Variants in C8orf33 observed in about 807,000 individuals in gnomAD.
C8orf33 encodes UPF0488 protein C8orf33.
In C8orf33, 28 loss-of-function variants were observed where a neutral mutation model predicts 25.7. The ratio of observed to expected loss-of-function variants is 1.09; its 90% CI spans 0.81 to 1.49. The LOEUF is 1.49. Among genes scored for constraint, C8orf33 ranks in the 40% most tolerant of loss-of-function variants. The probability of loss-of-function intolerance (pLI) is 0.00; values close to 1 mark genes in which losing one functional copy is unlikely to be tolerated. For synonymous variants in C8orf33, 153 were observed against 115.9 expected (o/e 1.32, Z -2.06); for missense variants, 369 against 294.4 (o/e 1.25, Z -1.85).
In C8orf33 at chr8:145,055,230, C is replaced by T. The variant is rs1204557908; in HGVS notation, c.*1073C>T. ...AAGAAGAGTTATACTAGATCTAGATCATAGACATGATTATATGTGAGTATC... is the reference window on the plus strand; with the variant it reads ...AAGAAGAGTTATACTAGATCTAGATTATAGACATGATTATATGTGAGTATC... On this transcript the variant is annotated 3_prime_UTR_variant, in exon 5 of 5. Transcript: ENST00000331434. The T allele has an allele frequency of 6.6e-6, 1 of 152,046 alleles. No homozygotes were observed. Among genetic ancestry groups the T allele is most frequent in the African/African-American group, 2.4e-5 (1 of 41,366 alleles). 9.4% of individuals were successfully genotyped at this position (152,046 alleles called of 1,614,324 possible). A position where few individuals can be genotyped will look rare whatever the true frequency, so the allele number is the denominator to read the frequency against.
Position 145,052,778 on chromosome 8 carries a change from G to T in C8orf33, c.199G>T (p.Ala67Ser). ...CCCGTTGGGCGATGAAGGCGGCACA[G>T]CGTCGAAAAAACAAAAGAATAAGAA... ...AHPLGDEGGT[A>S]SKKQKNKKKT... The change falls in exon 2 of 5, where the codon GCG (alanine) becomes TCG (serine). Residue 67 changes from alanine (A) to serine (S), a missense_variant. By Grantham distance (99) the Ala-to-Ser change is moderately conservative. Coordinates refer to ENST00000331434, the MANE Select transcript of C8orf33 (RefSeq NM_023080.3). The T allele has an allele frequency of 6.2e-7, 1 of 1,614,196 alleles. No homozygotes were observed. The highest frequency in any genetic ancestry group is 8.5e-7 in the Non-Finnish European group (1 of 1,180,044).
At chr8:145,053,733 C>T in intron 4 of C8orf33, 1 of 577,674 alleles carries the variant, frequency 1.7e-6, no homozygotes, top group Non-Finnish European at 3.0e-6. Flanking sequence ...TCTTGGCTTT[C>T]TCTACTAGCA....
At position 145,052,682 on chromosome 8, in the gene C8orf33, G is replaced by C; in HGVS notation, c.103G>C (p.Ala35Pro). ...GARLPGPVSS[A>P]RNPSTVCLCP... is the part of the protein sequence containing the mutation. ...CCGGCTTCCCGGCCCAGTTTCCAGCGCCCGGAATCCTTCCACTGTCTGTCT... is the reference window on the plus strand; with the variant it reads ...CCGGCTTCCCGGCCCAGTTTCCAGCCCCCGGAATCCTTCCACTGTCTGTCT... The change falls in exon 2 of 5, where the codon GCC becomes CCC. Residue 35 changes from alanine (A) to proline (P), a missense_variant. Physicochemically the swap from Ala to Pro is conservative, Grantham distance 27. Transcript: ENST00000331434. 3 of 1,613,840 alleles carry C rather than the reference G, an allele frequency of 1.9e-6. No homozygotes were observed. The highest frequency in any genetic ancestry group is 2.5e-6 in the Non-Finnish European group (3 of 1,180,026).
chr8:145,054,342 T>G lies in C8orf33; in HGVS notation c.*185T>G, dbSNP rs373546946. The G allele has an allele frequency of 1.1e-3, 609 of 549,260 alleles. 1 individual carries two copies. Among genetic ancestry groups the G allele is most frequent in the Non-Finnish European group, 1.6e-3 (501 of 317,920 alleles). 34.0% of individuals were successfully genotyped at this position (549,260 alleles called of 1,614,324 possible). On this transcript the variant is annotated 3_prime_UTR_variant, in exon 5 of 5. Transcript: ENST00000331434. ...TCAGATAGGCAAAAGACCCCGTTCG[T>G]TTTCTGATGAAATGTTCTCTCTTTC...
In C8orf33 at chr8:145,053,438, G is replaced by C; in HGVS notation, c.545G>C (p.Arg182Thr). 6.8e-6 allele frequency: 11 copies of C among 1,614,154 alleles called. No individual in the cohort carries two copies. Among genetic ancestry groups the C allele is most frequent in the Non-Finnish European group, 9.3e-6 (11 of 1,180,030 alleles). ...TGGCGTGAGGCCCTGCGGGCTCTCA[G>C]AGCTGGTGAGGAGCTAGCCACTGGT... The part of the protein sequence containing the change: ...AEWREALRAL[R>T]AAAYSAQVQP... The change falls in exon 4 of 5, where the codon AGA (arginine) becomes ACA (threonine). Residue 182 changes from arginine (R) to threonine (T), a missense_variant. Coordinates refer to ENST00000331434, the MANE Select transcript of C8orf33 (RefSeq NM_023080.3).
At chr8:145,053,631 A>T in intron 4 of C8orf33, 188 bp downstream of exon 4, 1 of 641,042 alleles carries the variant, frequency 1.6e-6, no homozygotes, top group Non-Finnish European at 2.6e-6. Flanking sequence ...GAACCTGGGA[A>T]GCAGCGGGGA....
chr8:145,053,430 G>T lies in C8orf33; in HGVS notation c.537G>T (p.Arg179=). 1 of 1,614,196 alleles carries T rather than the reference G, an allele frequency of 6.2e-7. No homozygotes were observed. Among genetic ancestry groups the T allele is most frequent in the Non-Finnish European group, 8.5e-7 (1 of 1,180,040 alleles). ...QMEAEWREAL[R]ALRAAAYSAQ... ...AAGCCGAATGGCGTGAGGCCCTGCG[G>T]GCTCTCAGAGCTGGTGAGGAGCTAG... is the stretch of plus-strand genomic sequence containing the variant. The change falls in exon 4 of 5, where the codon CGG becomes CGT. Residue 179 remains arginine (R), a synonymous_variant. Transcript: ENST00000331434.
chr8:145,052,867 A>G lies in C8orf33; in HGVS notation c.288A>G (p.Pro96=), dbSNP rs770349082. The G allele has an allele frequency of 1.8e-5, 29 of 1,610,034 alleles. No individual in the cohort carries two copies. Among genetic ancestry groups the G allele is most frequent in the South Asian group, 2.2e-5 (2 of 90,524 alleles). Reference sequence around the variant, plus strand: ...AGAAGGCCTCAGAGAAACTCGCCCCAGAAGAAGTTCCCCTAAGCGCTGAGG... The same window carrying G: ...AGAAGGCCTCAGAGAAACTCGCCCCGGAAGAAGTTCCCCTAAGCGCTGAGG... The part of the protein sequence containing the change: ...GGEKASEKLA[P]EEVPLSAEAQ... The change falls in exon 2 of 5, where the codon CCA becomes CCG. Residue 96 remains proline, a synonymous_variant. Transcript: ENST00000331434.
At position 145,054,307 on chromosome 8, in the gene C8orf33, T is replaced by C. The variant is rs1835324490; in HGVS notation, c.*150T>C. The C allele has an allele frequency of 1.2e-6, 1 of 816,074 alleles. No homozygotes were observed. The highest frequency in any genetic ancestry group is 1.9e-6 in the Non-Finnish European group (1 of 531,034). The allele number at this position is 816,074 out of a possible 1,614,324, so 50.6% of individuals were successfully genotyped here. A position where few individuals can be genotyped will look rare whatever the true frequency, so the allele number is the denominator to read the frequency against. On this transcript the variant is annotated 3_prime_UTR_variant, in exon 5 of 5. Transcript: ENST00000331434. Reference sequence around the variant, plus strand: ...CAAGGATTTGTAGCTGTTGTGAAGGTGTGAGACCATCAGATAGGCAAAAGA... The same window carrying C: ...CAAGGATTTGTAGCTGTTGTGAAGGCGTGAGACCATCAGATAGGCAAAAGA...
Position 145,053,165 on chromosome 8 carries a change from G to A in C8orf33, c.403+19G>A. On this transcript the variant is annotated intron_variant, in intron 3 of 4. Coordinates refer to ENST00000331434, the MANE Select transcript of C8orf33 (RefSeq NM_023080.3). Reference sequence around the variant, plus strand: ...AAACAGAGTAAGGGACCCTTCTGTAGAGCTGGGGGATGTGAACAGTGGCAC... The same window carrying A: ...AAACAGAGTAAGGGACCCTTCTGTAAAGCTGGGGGATGTGAACAGTGGCAC... 1 of 1,614,172 alleles carries A rather than the reference G, an allele frequency of 6.2e-7. No individual in the cohort carries two copies. The highest frequency in any genetic ancestry group is 1.1e-5 in the South Asian group (1 of 91,086).
chr8:145,053,022 C>T (rs1269437192), intron 2 of C8orf33, 40 bp from the exon 3 acceptor site: 1 of 1,613,194 alleles, frequency 6.2e-7, no homozygotes, highest in East Asian at 2.2e-5. Context: ...CTATGGTTTT[C>T]CAGTGCCCTC....
At chr8:145,053,490 G>A (rs538589878) in intron 4 of C8orf33, 47 bp downstream of exon 4, 30 of 1,601,852 alleles carry the variant, frequency 1.9e-5, no homozygotes, top group South Asian at 3.3e-5. Context: ...AACTTAAGGA[G>A]GAAGTGTCTA....
chr8:145,053,245 G>A (rs1171943168), intron 3 of C8orf33, 52 bp from the exon 4 acceptor site: 4 of 1,612,756 alleles, frequency 2.5e-6, no homozygotes, highest in African/African-American at 2.7e-5. Flanking sequence ...GCGGCGGGGT[G>A]GTAGGAGGTC....
At chr8:145,052,959 G>A (rs1835300219) in intron 2 of C8orf33, 62 bp downstream of exon 2, 1 of 1,601,400 alleles carries the variant, frequency 6.2e-7, no homozygotes, top group African/African-American at 1.3e-5. Flanking sequence ...GGGCACGTGT[G>A]ATCTGGGGTC....
chr8:145,053,497 T>C, intron 4 of C8orf33, 54 bp downstream of exon 4: 1 of 1,585,246 alleles, frequency 6.3e-7, no homozygotes, highest in Non-Finnish European at 8.6e-7. Flanking sequence ...GGAGGAAGTG[T>C]CTAGGGGGTG....
At chr8:145,053,035 A>G (rs1587002607) in intron 2 of C8orf33, 27 bp from the exon 3 acceptor site, 3 of 1,613,974 alleles carry the variant, frequency 1.9e-6, no homozygotes, top group Non-Finnish European at 2.5e-6. Context: ...GTGCCCTCTC[A>G]CAGCCACTTC....
rs1835303498 is a variant in C8orf33, at chr8:145,053,138, C to G, written c.395C>G (p.Pro132Arg). The G allele has an allele frequency of 2.5e-6, 4 of 1,614,050 alleles. No individual in the cohort carries two copies. Reference sequence around the variant, plus strand: ...GGCCTCAAGAGGCAGAAACCCACCCCGAAACAGAGTAAGGGACCCTTCTGT... The same window carrying G: ...GGCCTCAAGAGGCAGAAACCCACCCGGAAACAGAGTAAGGGACCCTTCTGT... The part of the protein sequence containing the change: ...ELGLKRQKPT[P>R]KQKEQAIGAI... The change falls in exon 3 of 5, where the codon CCG becomes CGG. Residue 132 changes from proline (P) to arginine (R), a missense_variant. Coordinates refer to ENST00000331434, the MANE Select transcript of C8orf33 (RefSeq NM_023080.3).
rs1563954714 is a variant in C8orf33 at position 145,053,484 on chromosome 8, T to G, written c.550+41T>G. On this transcript the variant is annotated intron_variant, in intron 4 of 4. Coordinates refer to ENST00000331434, the MANE Select transcript of C8orf33 (RefSeq NM_023080.3). ...CTGGTTGATTCAGGAAGGCCTAACT[T>G]AAGGAGGAAGTGTCTAGGGGGTGAA... The G allele has an allele frequency of 3.1e-6, 5 of 1,605,764 alleles. No individual in the cohort carries two copies. The African/African-American group carries it at 5.4e-5, about 17-fold the overall frequency.
In C8orf33 at chr8:145,052,655, G is replaced by GCCCGGCTT. The variant is rs1563953977; in HGVS notation, c.83_90dup (p.Pro31PhefsTer74). The GCCCGGCTT allele has an allele frequency of 6.2e-7, 1 of 1,613,094 alleles. No homozygotes were observed. Among genetic ancestry groups the GCCCGGCTT allele is most frequent in the South Asian group, 1.1e-5 (1 of 91,088 alleles). ...GGGTACTCCCTGCGCGTCCCGCGGA[G>GCCCGGCTT]CCCGGCTTCCCGGCCCAGTTTCCAG... is the stretch of plus-strand genomic sequence containing the variant. On this transcript the variant is annotated frameshift_variant, in exon 2 of 5. Transcript: ENST00000331434. LOFTEE classifies it high-confidence loss of function.
Sources: gnomAD v4.1 joint callset for allele counts on GRCh38, gnomAD v4.1.1 for gene constraint, MANE v1.5 for transcripts, NCBI Gene and HGNC (gene_info 2026-07-23, HGNC 2026-07-21) for gene names.